The following SCNN1G variants were observed in gnomAD, a reference collection of about 807,000 sequenced individuals.
The protein encoded by SCNN1G is sodium channel epithelial 1 subunit gamma, also known as epithelial sodium channel subunit gamma.
A neutral mutation model predicts 64.6 loss-of-function variants in SCNN1G; 27 were observed. The ratio of observed to expected loss-of-function variants is 0.42; its 90% CI spans 0.31 to 0.58. SCNN1G has a LOEUF of 0.58. Ranked by LOEUF, SCNN1G falls within the 20% of genes least tolerant of loss-of-function variation. The pLI is 0.18. For synonymous variants in SCNN1G, 330 were observed against 314.2 expected (o/e 1.05, Z -0.53); for missense variants, 743 against 823.4 (o/e 0.90, Z 1.19).
At position 23,192,530 on chromosome 16, in the gene SCNN1G, C is replaced by G; in HGVS notation, c.797C>G (p.Ser266Cys). Residue 266 changes from serine (S) to cysteine (C), a missense_variant, in exon 4 of 13, where the codon TCC becomes TGC. Ser to Cys is a moderately radical substitution (Grantham distance 112). Coordinates refer to ENST00000300061, the MANE Select transcript of SCNN1G (RefSeq NM_001039.4). ...LLVTCFFDGV[S>C]CDARNFTLFH... ...GTGACCTGCTTCTTTGATGGAGTGT[C>G]CTGTGATGCCAGGTCAGGAGAGAAT... is the stretch of plus-strand genomic sequence containing the variant. 1 of 1,611,832 alleles carries G rather than the reference C, an allele frequency of 6.2e-7. No homozygotes were observed. Among genetic ancestry groups the G allele is most frequent in the Non-Finnish European group, 8.5e-7 (1 of 1,179,716 alleles).
chr16:23,199,694 C>CA, intron 6 of SCNN1G, among the ~76,000 whole-genome samples: 1 of 85,266 alleles, frequency 1.2e-5, no homozygotes, highest in South Asian at 4.4e-4. Flanking sequence ...TTTTTTGAGA[C>CA]AGAGTGTCAC....
At chr16:23,211,742 G>A (rs1960082323) in intron 7 of SCNN1G, among the ~76,000 whole-genome samples, 1 of 152,180 alleles carries the variant, frequency 6.6e-6, no homozygotes, top group South Asian at 2.1e-4. Flanking sequence ...AGCCCAGGAG[G>A]CAGAGGTTGC....
At chr16:23,211,982 C>G in intron 7 of SCNN1G, 52 bp from the exon 8 acceptor site, 1 of 1,334,410 alleles carries the variant, frequency 7.5e-7, no homozygotes, top group Non-Finnish European at 1.1e-6. Context: ...AGGAAACTCC[C>G]TGACATCCCT....
intron 1 of SCNN1G, among the ~76,000 whole-genome samples, chr16:23,185,993 C>A (rs1596760560): frequency 1.3e-5 from 2 of 148,900 alleles, no homozygotes; most frequent in Admixed American, 1.3e-4. Flanking sequence ...CACGGCTAGG[C>A]CTGGGGGCCG....
At position 23,189,488 on chromosome 16, in the gene SCNN1G, C is replaced by T. The variant is rs62639702; in HGVS notation, c.435C>T (p.Ser145=). The T allele has an allele frequency of 7.5e-3, 12,161 of 1,614,156 alleles. 77 individuals carry two copies. Among genetic ancestry groups the T allele is most frequent in the Middle Eastern group, 0.013 (76 of 6,062 alleles). Residue 145 remains serine, a synonymous_variant, in exon 3 of 13, where the codon TCC becomes TCT. Coordinates refer to ENST00000300061, the MANE Select transcript of SCNN1G (RefSeq NM_001039.4). ...GCCGAGAGGCGGAGTCCTGGAACTC[C>T]GTCTCAGAGGGAAAGCAGCCTAGAT... ...RKRREAESWN[S]VSEGKQPRFS...
At chr16:23,183,323 G>A (rs965553659) in intron 1 of SCNN1G, among the ~76,000 whole-genome samples, 1 of 152,240 alleles carries the variant, frequency 6.6e-6, no homozygotes, top group Non-Finnish European at 1.5e-5. Flanking sequence ...CGCAGGGAGG[G>A]CAGGGCTGCG....
intron 10 of SCNN1G, 24 bp downstream of exon 10, chr16:23,212,918 C>A: frequency 6.2e-7 from 1 of 1,610,300 alleles, no homozygotes; most frequent in Non-Finnish European, 8.5e-7. Context: ...CCCACCCTTC[C>A]CCACTGAAGC....
chr16:23,201,883 C>T (rs1959895433), intron 6 of SCNN1G, among the ~76,000 whole-genome samples: 2 of 152,174 alleles, frequency 1.3e-5, no homozygotes, highest in African/African-American at 4.8e-5. Flanking sequence ...GATGACAGCT[C>T]GCAGATCACA....
intron 2 of SCNN1G, among the ~76,000 whole-genome samples, chr16:23,188,287 T>C (rs914343095): frequency 9.9e-5 from 15 of 152,274 alleles, no homozygotes; most frequent in South Asian, 4.1e-4. Flanking sequence ...GGCATGAGGA[T>C]TGCTTGAGGC....
intron 1 of SCNN1G, among the ~76,000 whole-genome samples, chr16:23,185,942 T>A (rs1201469104): frequency 2.0e-5 from 3 of 152,188 alleles, no homozygotes; most frequent in African/African-American, 7.2e-5. Flanking sequence ...CTGCAGCCTG[T>A]CCAGCCAGCG....
intron 2 of SCNN1G, among the ~76,000 whole-genome samples, chr16:23,188,306 C>T (rs1049902723): frequency 5.9e-5 from 9 of 152,256 alleles, no homozygotes; most frequent in African/African-American, 1.4e-4. Context: ...GCCAGGAATT[C>T]GAGACCAGCC....
intron 2 of SCNN1G, among the ~76,000 whole-genome samples, chr16:23,189,055 G>T (rs1340227129): frequency 6.6e-6 from 1 of 152,092 alleles, no homozygotes; most frequent in East Asian, 1.9e-4. Flanking sequence ...TTTATGGGAG[G>T]CACCTGACAG....
chr16:23,210,069 A>G (rs1264771571), intron 7 of SCNN1G, among the ~76,000 whole-genome samples: 2 of 152,206 alleles, frequency 1.3e-5, no homozygotes, highest in African/African-American at 4.8e-5. Flanking sequence ...GTGGAACTCA[A>G]TGTACAGCTG....
chr16:23,194,403 C>T, intron 5 of SCNN1G, 129 bp downstream of exon 5: 1 of 714,732 alleles, frequency 1.4e-6, no homozygotes. Context: ...ACCAGGGATG[C>T]CCCTTTTTCT....
chr16:23,193,349 T>C (rs1959742782), intron 4 of SCNN1G, among the ~76,000 whole-genome samples: 2 of 151,972 alleles, frequency 1.3e-5, no homozygotes, highest in Admixed American at 1.3e-4. Context: ...GGGTGAGACA[T>C]TCTAAAGTGT....
intron 6 of SCNN1G, among the ~76,000 whole-genome samples, chr16:23,209,051 A>G (rs574440201): frequency 1.9e-4 from 29 of 151,962 alleles, no homozygotes; most frequent in African/African-American, 6.8e-4. Context: ...CAATTTCTCT[A>G]TTTTGCCATT....
At position 23,215,562 on chromosome 16, in the gene SCNN1G, C is replaced by G. The variant is rs1447383029; in HGVS notation, c.*93C>G. The stretch of plus-strand genomic sequence containing the variant: ...CCCAGACGTGTGCACAGGGGACCCT[C>G]TGCCCCACTCTGGGCTTTTCAGATA... On this transcript the variant is annotated 3_prime_UTR_variant, in exon 13 of 13. Coordinates refer to ENST00000300061, the MANE Select transcript of SCNN1G (RefSeq NM_001039.4). 14 of 1,446,398 alleles carry G rather than the reference C, an allele frequency of 9.7e-6. No individual in the cohort carries two copies. Among genetic ancestry groups the G allele is most frequent in the Non-Finnish European group, 1.2e-5 (13 of 1,042,852 alleles). 89.6% of individuals were successfully genotyped at this position (1,446,398 alleles called of 1,614,324 possible). A position where few individuals can be genotyped will look rare whatever the true frequency, so the allele number is the denominator to read the frequency against.
chr16:23,210,258 G>C (rs1960058746), intron 7 of SCNN1G, among the ~76,000 whole-genome samples: 1 of 152,170 alleles, frequency 6.6e-6, no homozygotes, highest in South Asian at 2.1e-4. Context: ...GGTGGGATTG[G>C]ATCAGGGGCT....
In SCNN1G at chr16:23,186,557, G is replaced by T; in HGVS notation, c.286G>T (p.Ala96Ser). The change falls in exon 2 of 13, where the codon GCA becomes TCA. Residue 96 changes from alanine to serine, a missense_variant. By Grantham distance (99) the Ala-to-Ser change is moderately conservative. Transcript: ENST00000300061. ...KVHFRKLDFPAVTICNINPYK... is the reference protein window; with the variant it reads ...KVHFRKLDFPSVTICNINPYK... ...CCACTTCCGGAAGCTGGATTTTCCTGCAGTCACCATCTGCAACATCAACCC... is the reference window on the plus strand; with the variant it reads ...CCACTTCCGGAAGCTGGATTTTCCTTCAGTCACCATCTGCAACATCAACCC... 1 of 1,613,392 alleles carries T rather than the reference G, an allele frequency of 6.2e-7. No individual in the cohort carries two copies. Among genetic ancestry groups the T allele is most frequent in the Non-Finnish European group, 8.5e-7 (1 of 1,180,034 alleles).
Sources: gnomAD v4.1 joint callset for allele counts (sites outside exome capture counted in the v4.1 genomes callset) on GRCh38, gnomAD v4.1.1 for gene constraint, MANE v1.5 for transcripts, NCBI Gene and HGNC (gene_info 2026-07-23, HGNC 2026-07-21) for gene names.